Variants in UBE2E3 observed in about 807,000 individuals in gnomAD.
UBE2E3 encodes ubiquitin-conjugating enzyme E2 E3.
In UBE2E3, 5 loss-of-function variants were observed where a neutral mutation model predicts 23.6. The observed-to-expected ratio is 0.21, with a 90% CI of 0.11 to 0.44. The LOEUF (loss-of-function observed/expected upper bound fraction) is 0.44. Among genes scored for constraint, UBE2E3 ranks in the 20% least tolerant of loss-of-function variants. The pLI, the probability that UBE2E3 is intolerant of heterozygous loss-of-function variation, is 0.99. For missense variants in UBE2E3, 81 were observed against 249.8 expected (o/e 0.32, Z 4.55); for synonymous variants, 78 against 87.5 (o/e 0.89, Z 0.60).
intron 5 of UBE2E3, 27 bp from the exon 6 acceptor site, chr2:181,062,764 C>T: frequency 2.8e-6 from 4 of 1,441,592 alleles, no homozygotes; most frequent in Non-Finnish European, 3.9e-6. Flanking sequence ...CACAAAATAG[C>T]TTTTAATGTT....
At chr2:181,022,821 CA>C (rs1252745907) in intron 3 of UBE2E3, among the ~76,000 whole-genome samples, 2 of 152,028 alleles carry the variant, frequency 1.3e-5, no homozygotes, top group Non-Finnish European at 1.5e-5. Flanking sequence ...AGCTGGGACT[CA>C]AATTTTTCTC....
At chr2:181,060,870 T>C (rs1179308859) in intron 5 of UBE2E3, 58 bp downstream of exon 5, 2 of 831,862 alleles carry the variant, frequency 2.4e-6, no homozygotes, top group African/African-American at 1.9e-5. Context: ...GCTTTTTTTT[T>C]TTTTTTTTTT....
At chr2:181,015,372 T>A (rs1685453430) in intron 3 of UBE2E3, among the ~76,000 whole-genome samples, 1 of 152,174 alleles carries the variant, frequency 6.6e-6, no homozygotes, top group South Asian at 2.1e-4. Flanking sequence ...TTTATTTTAA[T>A]ACATCTAGAA....
Position 180,984,223 on chromosome 2 carries a change from CA to C in UBE2E3, c.245+135del, listed in dbSNP as rs762263031. 19 of 646,716 alleles carry C rather than the reference CA, an allele frequency of 2.9e-5. No individual in the cohort carries two copies. The Middle Eastern group carries it at 2.0e-3, about 67-fold the overall frequency. 40.1% of individuals were successfully genotyped at this position (646,716 alleles called of 1,614,324 possible). A position where few individuals can be genotyped will look rare whatever the true frequency, so the allele number is the denominator to read the frequency against. The stretch of plus-strand genomic sequence containing the variant: ...TTTACAGCTTTGCAAGTGCATTAAA[CA>C]AAAATTGTAGAAGGTGAACTAGATA... On this transcript the variant is annotated intron_variant, in intron 3 of 5. Transcript: ENST00000410062.
chr2:180,994,184 A>T (rs912642202), intron 3 of UBE2E3, among the ~76,000 whole-genome samples: 9 of 152,168 alleles, frequency 5.9e-5, no homozygotes, highest in Non-Finnish European at 1.2e-4. Context: ...GAAGATGCCA[A>T]ATACTCATTT....
chr2:180,988,781 ACT>A (rs562692831), intron 3 of UBE2E3, among the ~76,000 whole-genome samples: 5 of 151,768 alleles, frequency 3.3e-5, no homozygotes, highest in East Asian at 3.9e-4. Context: ...TTGGTTTTAA[ACT>A]CTCTCACACA....
At chr2:181,047,968 C>T (rs1018468936) in intron 3 of UBE2E3, among the ~76,000 whole-genome samples, 2 of 152,118 alleles carry the variant, frequency 1.3e-5, no homozygotes, top group African/African-American at 4.8e-5. Flanking sequence ...ATTGTACTTC[C>T]CATGTTCTCT....
intron 3 of UBE2E3, among the ~76,000 whole-genome samples, chr2:181,019,698 T>G (rs879646284): frequency 1.3e-5 from 2 of 152,200 alleles, no homozygotes; most frequent in Non-Finnish European, 2.9e-5. Context: ...AATTGACAAA[T>G]TTAAATATGT....
chr2:181,008,914 T>G (rs913807675), intron 3 of UBE2E3, among the ~76,000 whole-genome samples: 1 of 152,174 alleles, frequency 6.6e-6, no homozygotes, highest in Non-Finnish European at 1.5e-5. Context: ...TGCTTTTTTT[T>G]TTTTTTTTAT....
chr2:181,012,955 A>G (rs1240151657), intron 3 of UBE2E3, among the ~76,000 whole-genome samples: 3 of 152,138 alleles, frequency 2.0e-5, no homozygotes, highest in Non-Finnish European at 4.4e-5. Flanking sequence ...CCACTCCCAT[A>G]TAGTCCTTCC....
At position 181,060,258 on chromosome 2, in the gene UBE2E3, T is replaced by C. The variant is rs150750633; in HGVS notation, c.379-407T>C. ...TAGTAAGAAACTGATGTAACTTTTA[T>C]GTTTTAAAAAAAAATCTTCATCAGT... On this transcript the variant is annotated intron_variant, in intron 4 of 5. Coordinates refer to ENST00000410062, the MANE Select transcript of UBE2E3 (RefSeq NM_006357.4). Among the ~76,000 whole-genome samples the C allele has an allele frequency of 4.6e-3, 691 of 151,524 alleles. 7 individuals carry two copies. The highest frequency in any genetic ancestry group is 0.016 in the African/African-American group (648 of 41,228).
At chr2:181,021,189 C>A (rs1685657982) in intron 3 of UBE2E3, among the ~76,000 whole-genome samples, 1 of 152,104 alleles carries the variant, frequency 6.6e-6, no homozygotes, top group South Asian at 2.1e-4. Context: ...TGAGATTAGT[C>A]AGGATTGTGA....
chr2:180,996,761 C>T (rs1230574559), intron 3 of UBE2E3, among the ~76,000 whole-genome samples: 1 of 152,078 alleles, frequency 6.6e-6, no homozygotes, highest in Non-Finnish European at 1.5e-5. Flanking sequence ...TATAGCATTA[C>T]TTTGAGTAAT....
At chr2:181,011,887 T>C (rs549628673) in intron 3 of UBE2E3, among the ~76,000 whole-genome samples, 14 of 152,204 alleles carry the variant, frequency 9.2e-5, no homozygotes, top group Non-Finnish European at 1.5e-4. Context: ...AATTTCACTT[T>C]AAGAATAGTG....
At chr2:181,044,331 A>G (rs1686607141) in intron 3 of UBE2E3, among the ~76,000 whole-genome samples, 1 of 152,216 alleles carries the variant, frequency 6.6e-6, no homozygotes, top group South Asian at 2.1e-4. Context: ...TATGTAATTT[A>G]TATAAAATAG....
chr2:181,058,019 AAG>A (rs1260888035), intron 4 of UBE2E3, among the ~76,000 whole-genome samples, 194 bp downstream of exon 4: 6 of 151,912 alleles, frequency 3.9e-5, no homozygotes, highest in South Asian at 2.1e-4. Context: ...AATAAACAGA[AAG>A]AGTTTAATTC....
intron 3 of UBE2E3, among the ~76,000 whole-genome samples, chr2:181,051,224 T>G (rs1325752100): frequency 6.6e-6 from 1 of 151,916 alleles, no homozygotes; most frequent in African/African-American, 2.4e-5. Context: ...CTTAACTTTT[T>G]TCACTCAGCA....
At chr2:181,018,705 A>G (rs1476396764) in intron 3 of UBE2E3, among the ~76,000 whole-genome samples, 4 of 151,172 alleles carry the variant, frequency 2.6e-5, no homozygotes, top group African/African-American at 9.7e-5. Flanking sequence ...CCAGTCCTCC[A>G]GGACTCTTCA....
chr2:180,992,343 ATACT>A (rs1194764776), intron 3 of UBE2E3, among the ~76,000 whole-genome samples: 1 of 152,188 alleles, frequency 6.6e-6, no homozygotes, highest in Non-Finnish European at 1.5e-5. Context: ...GTATTAAGTA[ATACT>A]TAATACTTTG....
Sources: allele counts gnomAD v4.1 joint callset (sites outside exome capture counted in the v4.1 genomes callset), GRCh38; gene constraint gnomAD v4.1.1; transcripts MANE v1.5; gene names NCBI Gene and HGNC (gene_info 2026-07-23, HGNC 2026-07-21).